MARCHF3: variants seen among roughly 807,000 people sequenced by gnomAD.
The protein encoded by MARCHF3 is E3 ubiquitin-protein ligase MARCHF3.
A neutral mutation model predicts 24.2 loss-of-function variants in MARCHF3; 13 were observed. The ratio of observed to expected loss-of-function variants is 0.54; its 90% CI spans 0.35 to 0.85. The LOEUF (loss-of-function observed/expected upper bound fraction) is 0.85, where lower values mean the gene tolerates loss of function less well. Ranked by LOEUF, MARCHF3 falls within the 40% of genes least tolerant of loss-of-function variation. MARCHF3 has a pLI of 0.01. For synonymous variants in MARCHF3, 144 were observed against 137.3 expected (o/e 1.05, Z -0.34); for missense variants, 276 against 325.0 (o/e 0.85, Z 1.16).
At position 126,911,348 on chromosome 5, in the gene MARCHF3, C is replaced by G. The variant is rs572407253; in HGVS notation, c.393+3582G>C. Among the ~76,000 whole-genome samples the G allele has an allele frequency of 3.3e-3, 497 of 152,196 alleles. 2 individuals carry two copies. Among genetic ancestry groups the G allele is most frequent in the Admixed American group, 4.1e-3 (62 of 15,294 alleles). ...TTACGGCTCAGGGGGCATCACAGAA[C>G]CTGCCGACATGTGATGTCTCCCCCA... On this transcript the variant is annotated intron_variant, in intron 3 of 4. Coordinates refer to ENST00000308660, the MANE Select transcript of MARCHF3 (RefSeq NM_178450.5).
intron 1 of MARCHF3, among the ~76,000 whole-genome samples, chr5:126,983,773 G>T (rs1751471895): frequency 6.6e-6 from 1 of 152,202 alleles, no homozygotes; most frequent in Admixed American, 6.5e-5. Context: ...GATGCAAAGG[G>T]TTCTCTCAGA....
At chr5:126,947,051 C>T (rs1031647278) in intron 1 of MARCHF3, among the ~76,000 whole-genome samples, 3 of 152,016 alleles carry the variant, frequency 2.0e-5, no homozygotes, top group African/African-American at 7.3e-5. Flanking sequence ...TTGCAAACAC[C>T]ATTTGGCATT....
chr5:126,904,658 G>T (rs1266325796), intron 3 of MARCHF3, among the ~76,000 whole-genome samples: 5 of 149,184 alleles, frequency 3.4e-5, no homozygotes, highest in Non-Finnish European at 7.5e-5. Flanking sequence ...TTTTGATGGG[G>T]TTGTTTGTTT....
chr5:126,876,788 T>TA (rs1753172915), intron 4 of MARCHF3, among the ~76,000 whole-genome samples: 1 of 152,170 alleles, frequency 6.6e-6, no homozygotes, highest in African/African-American at 2.4e-5. Context: ...TAGCTAGTAT[T>TA]ACAGACATGC....
At chr5:126,999,789 A>G (rs1158246353) in intron 1 of MARCHF3, among the ~76,000 whole-genome samples, 1 of 152,184 alleles carries the variant, frequency 6.6e-6, no homozygotes, top group Non-Finnish European at 1.5e-5. Flanking sequence ...CAAATAAGAT[A>G]CTGTCATCCT....
intron 1 of MARCHF3, among the ~76,000 whole-genome samples, chr5:126,924,828 A>C (rs1243367243): frequency 6.6e-6 from 1 of 152,230 alleles, no homozygotes; most frequent in Non-Finnish European, 1.5e-5. Flanking sequence ...GTGTAGCGGC[A>C]AAGTAGTTGC....
intron 1 of MARCHF3, among the ~76,000 whole-genome samples, chr5:126,932,161 A>G (rs1481337907): frequency 6.6e-6 from 1 of 152,262 alleles, no homozygotes; most frequent in African/African-American, 2.4e-5. Context: ...TCAAGCCAAC[A>G]AACATTTATC....
chr5:126,882,327 G>A (rs1753371448), intron 3 of MARCHF3, among the ~76,000 whole-genome samples: 1 of 152,130 alleles, frequency 6.6e-6, no homozygotes, highest in Non-Finnish European at 1.5e-5. Flanking sequence ...ATGTTTAGTT[G>A]GCTGGCCAGG....
At chr5:126,929,764 T>C (rs1331653316) in intron 1 of MARCHF3, among the ~76,000 whole-genome samples, 1 of 152,192 alleles carries the variant, frequency 6.6e-6, no homozygotes, top group African/African-American at 2.4e-5. Flanking sequence ...TTCCCACGTA[T>C]TGTGGGAGGG....
chr5:127,001,580 C>G (rs1752128358), intron 1 of MARCHF3, among the ~76,000 whole-genome samples: 1 of 152,174 alleles, frequency 6.6e-6, no homozygotes, highest in African/African-American at 2.4e-5. Flanking sequence ...TTCCTCACCC[C>G]ACACATGCAA....
intron 1 of MARCHF3, among the ~76,000 whole-genome samples, chr5:126,963,834 T>C (rs570626135): frequency 6.6e-6 from 1 of 152,324 alleles, no homozygotes; most frequent in South Asian, 2.1e-4. Flanking sequence ...TTAAAGTCTA[T>C]TCACATAATT....
chr5:126,946,556 G>A (rs1231492032), intron 1 of MARCHF3, among the ~76,000 whole-genome samples: 1 of 152,054 alleles, frequency 6.6e-6, no homozygotes, highest in African/African-American at 2.4e-5. Context: ...TTGTGGGCGA[G>A]TCCTGGGGGC....
chr5:126,919,448 A>G (rs972010096), intron 1 of MARCHF3, among the ~76,000 whole-genome samples: 6 of 152,224 alleles, frequency 3.9e-5, no homozygotes, highest in Admixed American at 2.6e-4. Flanking sequence ...GTCAAGGCTC[A>G]GACTTAAATA....
chr5:126,941,723 G>A (rs1285917189), intron 1 of MARCHF3, among the ~76,000 whole-genome samples: 1 of 152,210 alleles, frequency 6.6e-6, no homozygotes, highest in Non-Finnish European at 1.5e-5. Flanking sequence ...CACCATGAAA[G>A]CATCTGGAGG....
At chr5:126,989,461 T>G (rs910926392) in intron 1 of MARCHF3, among the ~76,000 whole-genome samples, 3 of 152,140 alleles carry the variant, frequency 2.0e-5, no homozygotes, top group Admixed American at 6.5e-5. Flanking sequence ...AGGAAGTTTT[T>G]TTAAAGAAGA....
chr5:126,891,767 C>T (rs1472708205), intron 3 of MARCHF3, among the ~76,000 whole-genome samples: 1,518 of 135,300 alleles, frequency 0.011, 11 homozygotes, highest in Middle Eastern at 0.035. Flanking sequence ...GACTTGGCGA[C>T]GCGGGCTCTT....
rs1752883606 is a variant in MARCHF3, at chr5:126,869,356, TCTCCTCAGAAGACATCCGCTCCTG to T, written c.*1253_*1276del. The T allele has an allele frequency of 1.3e-5, 2 of 152,064 alleles. No homozygotes were observed. Among genetic ancestry groups the T allele is most frequent in the African/African-American group, 4.8e-5 (2 of 41,408 alleles). 9.4% of individuals were successfully genotyped at this position (152,064 alleles called of 1,614,324 possible). ...CCTGAGAGTCAACCCCAGCCAGCGC[TCTCCTCAGAAGACATCCGCTCCTG>T]CCTCGGTGCGCGCACAATGCAGGCT... On this transcript the variant is annotated 3_prime_UTR_variant, in exon 5 of 5. Coordinates refer to ENST00000308660, the MANE Select transcript of MARCHF3 (RefSeq NM_178450.5).
At chr5:126,961,580 T>C (rs184988458) in intron 1 of MARCHF3, among the ~76,000 whole-genome samples, 2 of 152,314 alleles carry the variant, frequency 1.3e-5, no homozygotes, top group African/African-American at 4.8e-5. Flanking sequence ...TGAATTTATT[T>C]CATTAGTCAG....
intron 1 of MARCHF3, among the ~76,000 whole-genome samples, chr5:126,980,103 A>T (rs1751345263): frequency 6.6e-6 from 1 of 152,128 alleles, no homozygotes; most frequent in South Asian, 2.1e-4. Context: ...CACCACGAAC[A>T]TCTATAAGGA....
Sources: allele counts gnomAD v4.1 joint callset (sites outside exome capture counted in the v4.1 genomes callset), GRCh38; gene constraint gnomAD v4.1.1; transcripts MANE v1.5; gene names NCBI Gene and HGNC (gene_info 2026-07-23, HGNC 2026-07-21).